SEMA5A: variants seen among roughly 807,000 people sequenced by gnomAD.
SEMA5A encodes the protein semaphorin-5A.
A neutral mutation model predicts 135.5 loss-of-function variants in SEMA5A; 55 were observed. The ratio of observed to expected loss-of-function variants is 0.41; its 90% CI spans 0.33 to 0.51. SEMA5A has a LOEUF of 0.51. SEMA5A is among the 20% of genes least tolerant of loss of function. The probability of loss-of-function intolerance (pLI) is 0.37; values close to 1 mark genes in which losing one functional copy is unlikely to be tolerated. For missense variants in SEMA5A, 1,290 were observed against 1,419.9 expected (o/e 0.91, Z 1.47); for synonymous variants, 580 against 546.5 (o/e 1.06, Z -0.85).
At chr5:9,447,182 C>T (rs549811790) in intron 1 of SEMA5A, among the ~76,000 whole-genome samples, 1 of 152,356 alleles carries the variant, frequency 6.6e-6, no homozygotes, top group South Asian at 2.1e-4. Context: ...TGTGCTCCTT[C>T]AACTCAGTAA....
At chr5:9,228,236 T>C (rs560587447) in intron 6 of SEMA5A, among the ~76,000 whole-genome samples, 1 of 152,190 alleles carries the variant, frequency 6.6e-6, no homozygotes, top group African/African-American at 2.4e-5. Flanking sequence ...GGAAGAGGTG[T>C]AGAGAGGCTT....
chr5:9,444,145 A>G (rs1195419004), intron 1 of SEMA5A, among the ~76,000 whole-genome samples: 1 of 152,158 alleles, frequency 6.6e-6, no homozygotes, highest in Non-Finnish European at 1.5e-5. Context: ...TTTGTTCAAT[A>G]TCACCACTTA....
intron 2 of SEMA5A, among the ~76,000 whole-genome samples, chr5:9,433,713 A>T (rs955680348): frequency 7.2e-5 from 11 of 151,970 alleles, no homozygotes; most frequent in Admixed American, 7.2e-4. Context: ...TAAAATATAT[A>T]AAAAAAGAAT....
chr5:9,377,698 G>A (rs1755423446), intron 3 of SEMA5A, among the ~76,000 whole-genome samples: 1 of 152,166 alleles, frequency 6.6e-6, no homozygotes, highest in South Asian at 2.1e-4. Flanking sequence ...TTTTGTGCAA[G>A]GAAGAAATAG....
At chr5:9,282,311 GTTGA>G (rs1377614132) in intron 5 of SEMA5A, among the ~76,000 whole-genome samples, 2 of 152,164 alleles carry the variant, frequency 1.3e-5, no homozygotes, top group East Asian at 3.9e-4. Context: ...CAAAGAGGAA[GTTGA>G]TTGGAAAGAC....
At chr5:9,490,011 CT>C (rs1734922632) in intron 1 of SEMA5A, among the ~76,000 whole-genome samples, 1 of 152,068 alleles carries the variant, frequency 6.6e-6, no homozygotes, top group South Asian at 2.1e-4. Context: ...ACTCCAGAAA[CT>C]CATAATTAGA....
intron 2 of SEMA5A, among the ~76,000 whole-genome samples, chr5:9,401,672 T>C (rs1329050624): frequency 6.6e-6 from 1 of 152,194 alleles, no homozygotes; most frequent in Non-Finnish European, 1.5e-5. Context: ...CATCTTTCCA[T>C]AAATTAATGC....
intron 10 of SEMA5A, 104 bp downstream of exon 10, chr5:9,197,064 T>G (rs1471210800): frequency 6.8e-7 from 1 of 1,477,404 alleles, no homozygotes; most frequent in African/African-American, 1.4e-5. Context: ...GACAGCTGCA[T>G]GGTGCATGCA....
At chr5:9,177,645 G>C (rs1431870172) in intron 11 of SEMA5A, among the ~76,000 whole-genome samples, 2 of 152,186 alleles carry the variant, frequency 1.3e-5, no homozygotes, top group East Asian at 3.9e-4. Context: ...CATCTCCATT[G>C]TCTCTTCCCA....
intron 1 of SEMA5A, among the ~76,000 whole-genome samples, chr5:9,441,860 C>A (rs558618481): frequency 6.6e-6 from 1 of 152,152 alleles, no homozygotes; most frequent in African/African-American, 2.4e-5. Flanking sequence ...GTAGATGACA[C>A]ACAGATTGTA....
chr5:9,274,437 C>G (rs886423838), intron 5 of SEMA5A, among the ~76,000 whole-genome samples: 1 of 152,048 alleles, frequency 6.6e-6, no homozygotes, highest in Non-Finnish European at 1.5e-5. Flanking sequence ...CAGAAAATTA[C>G]CAAGGATATC....
At chr5:9,061,990 C>A (rs550097344) in intron 18 of SEMA5A, among the ~76,000 whole-genome samples, 1 of 152,102 alleles carries the variant, frequency 6.6e-6, no homozygotes, top group East Asian at 1.9e-4. Context: ...ATCAGTGGCC[C>A]AGGAAGGGAT....
chr5:9,328,555 G>C (rs1348217917), intron 4 of SEMA5A, among the ~76,000 whole-genome samples: 2 of 152,210 alleles, frequency 1.3e-5, no homozygotes, highest in Non-Finnish European at 2.9e-5. Context: ...AAGGTGGGTG[G>C]ATCACTTGAG....
At chr5:9,390,148 T>G (rs1053577504) in intron 2 of SEMA5A, among the ~76,000 whole-genome samples, 10 of 152,236 alleles carry the variant, frequency 6.6e-5, no homozygotes, top group South Asian at 2.1e-4. Context: ...TCTCTTAACA[T>G]CTGGTCCAAA....
intron 12 of SEMA5A, among the ~76,000 whole-genome samples, chr5:9,144,483 T>C (rs1426107407): frequency 1.3e-5 from 2 of 152,192 alleles, no homozygotes; most frequent in East Asian, 3.9e-4. Flanking sequence ...AAGGAACCCT[T>C]CTGTGTAGTA....
At position 9,194,621 on chromosome 5, in the gene SEMA5A, G is replaced by C. The variant is rs560533547; in HGVS notation, c.1068+2547C>G. On this transcript the variant is annotated intron_variant, in intron 10 of 22. Coordinates refer to ENST00000382496, the MANE Select transcript of SEMA5A (RefSeq NM_003966.3). ...GGTTATCAAATAGAGTAAACATAAAGAAAACACTTGCTGTGTACTTGTACT... is the reference window on the plus strand; with the variant it reads ...GGTTATCAAATAGAGTAAACATAAACAAAACACTTGCTGTGTACTTGTACT... Among the ~76,000 whole-genome samples, 3 of 152,200 alleles carry C rather than the reference G, an allele frequency of 2.0e-5. No homozygotes were observed. The South Asian group carries it at 6.2e-4, about 32-fold the overall frequency.
chr5:9,279,129 C>T (rs1750414893), intron 5 of SEMA5A, among the ~76,000 whole-genome samples: 1 of 152,360 alleles, frequency 6.6e-6, no homozygotes, highest in Admixed American at 6.5e-5. Flanking sequence ...GGCGTGTACC[C>T]TGCAAAGCCA....
At chr5:9,109,890 A>C in intron 15 of SEMA5A, among the ~76,000 whole-genome samples, 1 of 152,224 alleles carries the variant, frequency 6.6e-6, no homozygotes. Flanking sequence ...CCACCAGGAA[A>C]AGAAACTTGG....
rs779923168 is a variant in SEMA5A, at chr5:9,066,379, C to T, written c.2299+42G>A. On this transcript the variant is annotated intron_variant, in intron 17 of 22. Coordinates refer to ENST00000382496, the MANE Select transcript of SEMA5A (RefSeq NM_003966.3). ...GACCTTAGAGAAAAGATCAAAGGCC[C>T]TTCCATGGAAGTGGGTCAGTCCCCA... 8.2e-6 allele frequency: 13 copies of T among 1,581,880 alleles called. No homozygotes were observed. In the African/African-American group the frequency reaches 1.7e-4, roughly 21 times the overall value.
Sources: allele counts gnomAD v4.1 joint callset (sites outside exome capture counted in the v4.1 genomes callset), GRCh38; gene constraint gnomAD v4.1.1; transcripts MANE v1.5; gene names NCBI Gene and HGNC (gene_info 2026-07-23, HGNC 2026-07-21).